SYT1: variants seen among roughly 807,000 people sequenced by gnomAD.
The protein encoded by SYT1 is synaptotagmin-1.
In SYT1, 8 loss-of-function variants were observed where a neutral mutation model predicts 44.8. The ratio of observed to expected loss-of-function variants is 0.18; its 90% CI spans 0.10 to 0.32. SYT1 has a LOEUF of 0.32. SYT1 is among the 10% of genes least tolerant of loss of function. SYT1 has a pLI of 1.00. For synonymous variants in SYT1, 154 were observed against 188.8 expected, an observed-to-expected ratio of 0.82 and a Z score of 1.51; for missense variants, 286 against 509.3, an observed-to-expected ratio of 0.56 and a Z score of 4.22.
At position 78,980,419 on chromosome 12, in the gene SYT1, C is replaced by A. The variant is rs368507350; in HGVS notation, c.-84+2488C>A. ...ACTTACTTTGTAAACTAGATATGTC[C>A]TGAAAAGACTGGAATAATTTAAATT... On this transcript the variant is annotated intron_variant, in intron 2 of 10. Transcript: ENST00000261205. Among the ~76,000 whole-genome samples the A allele has an allele frequency of 1.1e-4, 16 of 152,256 alleles. 1 individual carries two copies. Among genetic ancestry groups the A allele is most frequent in the East Asian group, 5.8e-4 (3 of 5,180 alleles).
At chr12:79,046,934 A>G (rs1412673307) in intron 2 of SYT1, among the ~76,000 whole-genome samples, 2 of 151,964 alleles carry the variant, frequency 1.3e-5, no homozygotes, top group African/African-American at 2.4e-5. Context: ...AGCACCAGAT[A>G]TTTAATTGAC....
chr12:79,365,166 A>G (rs2136034703), intron 9 of SYT1, among the ~76,000 whole-genome samples: 1 of 152,208 alleles, frequency 6.6e-6, no homozygotes, highest in Middle Eastern at 3.4e-3. Flanking sequence ...CTTTCTGCTT[A>G]TATCAATTCT....
chr12:79,417,580 A>G (rs1868826020), intron 9 of SYT1, among the ~76,000 whole-genome samples: 1 of 152,144 alleles, frequency 6.6e-6, no homozygotes, highest in South Asian at 2.1e-4. Context: ...GGTTTTAATT[A>G]GCTTCTCACT....
At chr12:79,248,783 G>A (rs1877004057) in intron 4 of SYT1, among the ~76,000 whole-genome samples, 1 of 152,308 alleles carries the variant, frequency 6.6e-6, no homozygotes, top group African/African-American at 2.4e-5. Flanking sequence ...GTCAGCTGGA[G>A]ACCCTTGACA....
At position 79,179,365 on chromosome 12, in the gene SYT1, T is replaced by TATCGATATATCTATATCGATAC. The variant is rs1366614337; in HGVS notation, c.-17-38137_-17-38136insTCGATATATCTATATCGATACA. On this transcript the variant is annotated intron_variant, in intron 3 of 10. Coordinates refer to ENST00000261205, the MANE Select transcript of SYT1 (RefSeq NM_005639.3). The stretch of plus-strand genomic sequence containing the variant: ...CGATATGTCTATATCGATATAGATA[T>TATCGATATATCTATATCGATAC]AGATATAGATATAGATATATCGATA... 1.3e-4 allele frequency among the ~76,000 whole-genome samples: 3 copies of TATCGATATATCTATATCGATAC among 22,306 alleles called. 1 individual carries two copies. The Admixed American group carries it at 1.6e-3, about 12-fold the overall frequency. 14.6% of individuals were successfully genotyped at this position (22,306 alleles called of 152,430 possible).
intron 3 of SYT1, among the ~76,000 whole-genome samples, chr12:79,216,618 T>G (rs1349172800): frequency 2.6e-5 from 4 of 152,218 alleles, no homozygotes; most frequent in African/African-American, 9.6e-5. Context: ...ATTTAACTAG[T>G]GAAGAGGATG....
At chr12:79,401,985 C>T (rs1885086014) in intron 9 of SYT1, among the ~76,000 whole-genome samples, 1 of 152,134 alleles carries the variant, frequency 6.6e-6, no homozygotes, top group African/African-American at 2.4e-5. Context: ...TAGGCCAAAA[C>T]TCAAACGTTT....
At position 78,870,417 on chromosome 12, in the gene SYT1, A is replaced by T. The variant is rs551670581; in HGVS notation, c.-217+5308A>T. Among the ~76,000 whole-genome samples, 104 of 152,188 alleles carry T rather than the reference A, an allele frequency of 6.8e-4. 1 individual carries two copies. The highest frequency in any genetic ancestry group is 2.5e-3 in the African/African-American group (103 of 41,534). The stretch of plus-strand genomic sequence containing the variant: ...GTGCTTAGAGTTCCGATATTTTTTT[A>T]TCAAAGGGTATTATATAAGTAAAAG... On this transcript the variant is annotated intron_variant, in intron 1 of 10. Transcript: ENST00000261205.
At position 79,186,378 on chromosome 12, in the gene SYT1, GC is replaced by G. The variant is rs566950794; in HGVS notation, c.-17-31124del. ...AAAACCTGGGTTCTAGTCTTACATT[GC>G]TTGACATTTTCTTTCATCAATATTA... is the stretch of plus-strand genomic sequence containing the variant. On this transcript the variant is annotated intron_variant, in intron 3 of 10. Coordinates refer to ENST00000261205, the MANE Select transcript of SYT1 (RefSeq NM_005639.3). 4.6e-5 allele frequency among the ~76,000 whole-genome samples: 7 copies of G among 151,944 alleles called. No homozygotes were observed. In the South Asian group the frequency reaches 1.5e-3, roughly 31 times the overall value.
intron 8 of SYT1, among the ~76,000 whole-genome samples, chr12:79,320,748 A>G (rs1387926472): frequency 1.4e-5 from 2 of 141,996 alleles, no homozygotes; most frequent in African/African-American, 5.4e-5. Context: ...TCAGCCTCCC[A>G]AGTAGCTTGG....
intron 4 of SYT1, among the ~76,000 whole-genome samples, chr12:79,269,531 C>T (rs147522451): frequency 2.0e-5 from 3 of 152,216 alleles, no homozygotes; most frequent in Non-Finnish European, 2.9e-5. Context: ...AAGAAATGAA[C>T]GGTTAAATGA....
intron 1 of SYT1, among the ~76,000 whole-genome samples, chr12:78,911,808 T>C (rs1876347184): frequency 6.6e-6 from 1 of 151,966 alleles, no homozygotes; most frequent in Non-Finnish European, 1.5e-5. Flanking sequence ...GGGAAACATT[T>C]GCGATTGCCT....
intron 4 of SYT1, among the ~76,000 whole-genome samples, chr12:79,271,850 G>GA (rs1320008219): frequency 6.6e-6 from 1 of 152,162 alleles, no homozygotes; most frequent in East Asian, 1.9e-4. Context: ...AAGTCGGTGA[G>GA]AAAAACATTT....
At chr12:78,944,837 A>G (rs1878568408) in intron 1 of SYT1, among the ~76,000 whole-genome samples, 1 of 152,194 alleles carries the variant, frequency 6.6e-6, no homozygotes. Flanking sequence ...GTCTTATGTC[A>G]TAATAACTGA....
chr12:79,337,212 G>T (rs74107425), intron 8 of SYT1, among the ~76,000 whole-genome samples: 7,497 of 152,226 alleles, frequency 0.049, 395 homozygotes, highest in African/African-American at 0.13. Flanking sequence ...AGGAGAACAT[G>T]CTCAGAGTGC....
At position 79,305,549 on chromosome 12, in the gene SYT1, T is replaced by A. The variant is rs374883575; in HGVS notation, c.810+5998T>A. Among the ~76,000 whole-genome samples, 548 of 151,556 alleles carry A rather than the reference T, an allele frequency of 3.6e-3. 2 individuals are homozygous for A. The Middle Eastern group carries it at 0.038, about 10-fold the overall frequency. On this transcript the variant is annotated intron_variant, in intron 8 of 10. Coordinates refer to ENST00000261205, the MANE Select transcript of SYT1 (RefSeq NM_005639.3). ...TACTATATGCTGACAAAAAAAAAAA[T>A]CTCATAACATTCTTCAAAATTGGCA...
intron 9 of SYT1, among the ~76,000 whole-genome samples, chr12:79,360,891 G>A (rs570785581): frequency 1.3e-5 from 2 of 152,306 alleles, no homozygotes; most frequent in Admixed American, 1.3e-4. Context: ...GCCAAGCCCG[G>A]TACAAGTTGG....
chr12:78,883,048 A>T (rs992146948), intron 1 of SYT1, among the ~76,000 whole-genome samples: 7 of 151,480 alleles, frequency 4.6e-5, no homozygotes, highest in East Asian at 1.9e-4. Context: ...ATGATTTTTT[A>T]AAAAAATATC....
intron 8 of SYT1, among the ~76,000 whole-genome samples, chr12:79,310,872 T>A (rs7304703): frequency 0.011 from 1,646 of 152,346 alleles, 28 homozygotes; most frequent in African/African-American, 0.036. Flanking sequence ...TTTTGTATCC[T>A]GAGACTTTGC....
Sources: allele counts gnomAD v4.1 joint callset (sites outside exome capture counted in the v4.1 genomes callset), GRCh38; gene constraint gnomAD v4.1.1; transcripts MANE v1.5; gene names NCBI Gene and HGNC (gene_info 2026-07-23, HGNC 2026-07-21).